SDK1: variants seen among roughly 807,000 people sequenced by gnomAD.
The protein encoded by SDK1 is sidekick cell adhesion molecule 1, also known as protein sidekick-1.
Under a neutral mutation model 245.5 loss-of-function variants are expected in SDK1, and 157 were observed. That is an observed-to-expected ratio of 0.64 (90% CI 0.56 to 0.73). The LOEUF (loss-of-function observed/expected upper bound fraction) is 0.73. Among genes scored for constraint, SDK1 ranks in the 30% least tolerant of loss-of-function variants. The pLI is 0.00. For missense variants in SDK1, 3,583 were observed against 3,002.3 expected (o/e 1.19, Z -4.52); for synonymous variants, 1,647 against 1,278.5 (o/e 1.29, Z -6.15).
In SDK1 at chr7:4,265,383, G is replaced by A. The variant is rs1298488406; in HGVS notation, c.6641G>A (p.Ter2214=). The A allele has an allele frequency of 2.1e-6, 3 of 1,430,898 alleles. No individual in the cohort carries two copies. Among genetic ancestry groups the A allele is most frequent in the East Asian group, 5.3e-5 (2 of 37,980 alleles). The allele number at this position is 1,430,898 out of a possible 1,614,324, so 88.6% of individuals were successfully genotyped here. A position where few individuals can be genotyped will look rare whatever the true frequency, so the allele number is the denominator to read the frequency against. ...TPLTGFSSFV[*] ...CTCACCGGCTTCTCCTCCTTCGTGT[G>A]AGCAAAGCGCCGCGCCTCCCTCAGG... Residue 2214 remains the stop codon, a stop_retained_variant, in exon 45 of 45, where the codon TGA becomes TAA. Coordinates refer to ENST00000404826, the MANE Select transcript of SDK1 (RefSeq NM_152744.4).
intron 1 of SDK1, among the ~76,000 whole-genome samples, chr7:3,579,189 G>T (rs193024548): frequency 1.3e-5 from 2 of 151,734 alleles, no homozygotes; most frequent in African/African-American, 4.8e-5. Flanking sequence ...ATTCTATAAG[G>T]CAGCATCATC....
intron 1 of SDK1, among the ~76,000 whole-genome samples, chr7:3,502,112 GAC>G (rs935958845): frequency 2.2e-4 from 34 of 152,096 alleles, no homozygotes; most frequent in African/African-American, 7.5e-4. Flanking sequence ...CACTATATTA[GAC>G]AAACGTGTGA....
intron 4 of SDK1, among the ~76,000 whole-genome samples, chr7:3,784,170 G>A (rs1339496603): frequency 6.7e-6 from 1 of 148,678 alleles, no homozygotes; most frequent in Non-Finnish European, 1.5e-5. Flanking sequence ...ACTCATCCCT[G>A]AGCCTGTCAA....
intron 5 of SDK1, among the ~76,000 whole-genome samples, chr7:3,947,973 C>A (rs1046919192): frequency 1.3e-5 from 2 of 152,020 alleles, no homozygotes; most frequent in African/African-American, 4.8e-5. Context: ...CTGTAATGTT[C>A]TTTTTAATTT....
At chr7:3,815,600 CT>C (rs2115052887) in intron 4 of SDK1, among the ~76,000 whole-genome samples, 1 of 149,348 alleles carries the variant, frequency 6.7e-6, no homozygotes, top group Admixed American at 6.7e-5. Context: ...CTCTGCCCGG[CT>C]TTGGTATCAG....
chr7:3,642,887 A>T (rs557694082), intron 4 of SDK1: 23 of 152,376 alleles, frequency 1.5e-4, no homozygotes, highest in African/African-American at 5.3e-4. Flanking sequence ...CAGAAGTCAG[A>T]TATTTATGCC....
Position 4,210,025 on chromosome 7 carries a change from C to T in SDK1, c.5402C>T (p.Ala1801Val), listed in dbSNP as rs1257640370. 17 of 1,579,150 alleles carry T rather than the reference C, an allele frequency of 1.1e-5. No homozygotes were observed. Among genetic ancestry groups the T allele is most frequent in the African/African-American group, 1.4e-5 (1 of 73,638 alleles). Residue 1801 changes from alanine to valine, a missense_variant and splice_region_variant, in exon 38 of 45, where the codon GCC (alanine) becomes GTC (valine). By Grantham distance (64) the Ala-to-Val change is moderately conservative (BLOSUM62 0). Transcript: ENST00000404826. Reference protein sequence around the residue: ...DPQQGRTHQAAPGAPSFLAFS... With the variant: ...DPQQGRTHQAVPGAPSFLAFS... ...GTCACTTTGTGTTCTATTCTCCCAG[C>T]CCCTGGGGCCCCCAGCTTTCTGGCG...
In SDK1 at chr7:4,208,113, G is replaced by A. The variant is rs143290843; in HGVS notation, c.5229G>A (p.Glu1743=). The A allele has an allele frequency of 2.3e-5, 37 of 1,613,094 alleles. No individual in the cohort carries two copies. The African/African-American group carries it at 4.7e-4, about 20-fold the overall frequency. The part of the protein sequence containing the change: ...NIQGYKIYYW[E]ADSQNETEKM... Reference sequence around the variant, plus strand: ...GTTCCTAACAGATTTACTACTGGGAGGCAGACAGCCAGAACGAAACGGAGA... The same window carrying A: ...GTTCCTAACAGATTTACTACTGGGAAGCAGACAGCCAGAACGAAACGGAGA... Residue 1743 remains glutamate, a synonymous_variant, in exon 37 of 45, where the codon GAG becomes GAA. Transcript: ENST00000404826.
chr7:3,679,038 A>G (rs1410855750), intron 4 of SDK1, among the ~76,000 whole-genome samples: 1 of 152,258 alleles, frequency 6.6e-6, no homozygotes, highest in East Asian at 1.9e-4. Flanking sequence ...GAGCCTACGG[A>G]TTAGTGAACA....
intron 4 of SDK1, among the ~76,000 whole-genome samples, chr7:3,761,986 T>C (rs1033020351): frequency 6.6e-6 from 1 of 152,216 alleles, no homozygotes; most frequent in Non-Finnish European, 1.5e-5. Flanking sequence ...AAATGCTTTC[T>C]TTGTAGTGAA....
At chr7:3,710,151 A>G (rs1785008665) in intron 4 of SDK1, among the ~76,000 whole-genome samples, 1 of 152,108 alleles carries the variant, frequency 6.6e-6, no homozygotes, top group African/African-American at 2.4e-5. Context: ...TTCTCCTCTC[A>G]TTTTTCACTG....
intron 1 of SDK1, among the ~76,000 whole-genome samples, chr7:3,381,067 C>T (rs867923104): frequency 3.7e-4 from 56 of 152,108 alleles, no homozygotes; most frequent in African/African-American, 1.2e-3. Flanking sequence ...GAGTTATGTG[C>T]TTAGAGGTGG....
intron 20 of SDK1, among the ~76,000 whole-genome samples, chr7:4,072,362 G>A (rs1019529850): frequency 3.9e-5 from 6 of 152,186 alleles, no homozygotes; most frequent in African/African-American, 1.4e-4. Flanking sequence ...CCTGCTCACT[G>A]TAATGTGCAC....
At chr7:3,723,661 T>A (rs1012507587) in intron 4 of SDK1, among the ~76,000 whole-genome samples, 1 of 147,438 alleles carries the variant, frequency 6.8e-6, no homozygotes, top group African/African-American at 2.5e-5. Flanking sequence ...GTAAAAGTTG[T>A]GTGTGTGTGT....
At chr7:3,511,054 T>C (rs922295768) in intron 1 of SDK1, among the ~76,000 whole-genome samples, 4 of 151,992 alleles carry the variant, frequency 2.6e-5, no homozygotes, top group Non-Finnish European at 5.9e-5. Context: ...ACTAGACAAA[T>C]GGTGACAGTG....
intron 4 of SDK1, among the ~76,000 whole-genome samples, chr7:3,655,446 CAA>C (rs1193292754): frequency 1.5e-5 from 1 of 66,206 alleles, no homozygotes; most frequent in Non-Finnish European, 2.6e-5. Context: ...CAAAACAAAA[CAA>C]ATATATATAT....
chr7:3,721,212 C>T (rs930862068), intron 4 of SDK1, among the ~76,000 whole-genome samples: 5 of 152,166 alleles, frequency 3.3e-5, no homozygotes, highest in Non-Finnish European at 5.9e-5. Context: ...CATAAAGCTA[C>T]GCGTGTGATA....
intron 24 of SDK1, 93 bp downstream of exon 24, chr7:4,113,532 G>C: frequency 7.1e-7 from 1 of 1,416,526 alleles, no homozygotes; most frequent in Non-Finnish European, 9.6e-7. Flanking sequence ...TCTTAGTCAC[G>C]CCTTTGTCCT....
At chr7:3,900,571 G>A (rs1287268131) in intron 5 of SDK1, among the ~76,000 whole-genome samples, 6 of 152,106 alleles carry the variant, frequency 3.9e-5, no homozygotes, top group African/African-American at 1.4e-4. Flanking sequence ...CTGGAAGGCT[G>A]GAAATAGCTT....
Sources: allele counts gnomAD v4.1 joint callset (sites outside exome capture counted in the v4.1 genomes callset), GRCh38; gene constraint gnomAD v4.1.1; transcripts MANE v1.5; gene names NCBI Gene and HGNC (gene_info 2026-07-23, HGNC 2026-07-21).